Variants in DMD observed in about 807,000 individuals in gnomAD.
The protein encoded by DMD is dystrophin.
Under a neutral mutation model 330.1 loss-of-function variants are expected in DMD, and 63 were observed. The observed-to-expected ratio is 0.19, with a 90% CI of 0.16 to 0.24. DMD has a LOEUF of 0.24. Among genes scored for constraint, DMD ranks in the 10% least tolerant of loss-of-function variants. The pLI, the probability that DMD is intolerant of heterozygous loss-of-function variation, is 1.00. For missense variants in DMD, 3,344 were observed against 2,684.1 expected, an observed-to-expected ratio of 1.25 and a Z score of -5.43; for synonymous variants, 1,223 against 959.8, an observed-to-expected ratio of 1.27 and a Z score of -5.07.
At chrX:31,122,929 A>C (rs2032963389) in intron 78 of DMD, among the ~76,000 whole-genome samples, 1 of 111,903 alleles carries the variant, frequency 8.9e-6, no homozygotes, top group Non-Finnish European at 1.9e-5. Context: ...TTACATGGCT[A>C]ATTTTAATTA....
chrX:32,593,266 C>G (rs1472478982), intron 13 of DMD, among the ~76,000 whole-genome samples: 1 of 112,736 alleles, frequency 8.9e-6, no homozygotes, highest in Non-Finnish European at 1.9e-5. Flanking sequence ...TAGATCTTAG[C>G]TTAAAGAAAA....
intron 1 of DMD, among the ~76,000 whole-genome samples, chrX:33,259,545 T>G (rs927402678): frequency 9.3e-6 from 1 of 107,199 alleles, no homozygotes; most frequent in Non-Finnish European, 1.9e-5. Flanking sequence ...GATTTCAAAT[T>G]TTCAGATTTG....
At position 32,839,123 on chromosome X, in the gene DMD, A is replaced by G. The variant is rs188988213; in HGVS notation, c.264+5660T>C. On this transcript the variant is annotated intron_variant, in intron 4 of 78. Coordinates refer to ENST00000357033, the MANE Select transcript of DMD (RefSeq NM_004006.3). ...TTAGACCTGAGTCCAAATGCCAACA[A>G]TGGCTCACCATGCTTTCTTCTTCTC... Among the ~76,000 whole-genome samples the G allele has an allele frequency of 2.7e-3, 297 of 110,935 alleles. 1 individual carries two copies. Among genetic ancestry groups the G allele is most frequent in the African/African-American group, 9.4e-3 (288 of 30,519 alleles).
intron 19 of DMD, among the ~76,000 whole-genome samples, chrX:32,498,045 A>C (rs772013341): frequency 8.9e-6 from 1 of 111,815 alleles, no homozygotes; most frequent in African/African-American, 3.2e-5. Flanking sequence ...CTTAAAAAGT[A>C]AAATAAAGAA....
chrX:31,586,739 G>C (rs1569552768), intron 55 of DMD, among the ~76,000 whole-genome samples: 1 of 111,976 alleles, frequency 8.9e-6, no homozygotes, highest in Non-Finnish European at 1.9e-5. Flanking sequence ...ATTTCTCAGA[G>C]CCAATCTGAG....
chrX:31,546,803 T>C lies in DMD; in HGVS notation c.8218-39350A>G, dbSNP rs950567327. On this transcript the variant is annotated intron_variant, in intron 55 of 78. Transcript: ENST00000357033. ...CCTATCTATGACATAGAATAGGAAA[T>C]GCCTGCAGGCAGGGATCTGGTCTTA... is the stretch of plus-strand genomic sequence containing the variant. 7.1e-5 allele frequency among the ~76,000 whole-genome samples: 8 copies of C among 112,354 alleles called. No homozygotes were observed. The South Asian group carries it at 3.0e-3, about 41-fold the overall frequency.
intron 47 of DMD, among the ~76,000 whole-genome samples, chrX:31,917,729 A>AT (rs1407193137): frequency 3.6e-5 from 4 of 112,329 alleles, no homozygotes; most frequent in African/African-American, 1.3e-4. Context: ...TCAGTCATTC[A>AT]TTTTCCAAGC....
chrX:32,941,687 A>C (rs776225245), intron 2 of DMD, among the ~76,000 whole-genome samples: 5 of 110,568 alleles, frequency 4.5e-5, no homozygotes, highest in Non-Finnish European at 9.5e-5. Flanking sequence ...GGGTTGAAAA[A>C]CTGACTATTG....
chrX:31,505,567 A>G (rs1021042476), intron 56 of DMD, among the ~76,000 whole-genome samples: 9 of 111,266 alleles, frequency 8.1e-5, no homozygotes, highest in African/African-American at 2.9e-4. Context: ...TTTATATGCT[A>G]CGGTATCATA....
chrX:31,447,260 ATTTTTTTT>A lies in DMD; in HGVS notation c.8938-2641_8938-2634del, dbSNP rs72227601. ...TTAAACTTTACCATAAGATCTTGGG[ATTTTTTTT>A]TTTTTTTTTTTTTTTTTTGCTTCTT... On this transcript the variant is annotated intron_variant, in intron 59 of 78. Coordinates refer to ENST00000357033, the MANE Select transcript of DMD (RefSeq NM_004006.3). Among the ~76,000 whole-genome samples, 97 of 52,472 alleles carry A rather than the reference ATTTTTTTT, an allele frequency of 1.8e-3. 1 individual carries two copies. In the East Asian group the frequency reaches 0.043, roughly 23 times the overall value. 45.6% of individuals were successfully genotyped at this position (52,472 alleles called of 115,157 possible). A position where few individuals can be genotyped will look rare whatever the true frequency, so the allele number is the denominator to read the frequency against.
At chrX:32,234,806 T>G (rs2097181558) in intron 43 of DMD, among the ~76,000 whole-genome samples, 2 of 111,919 alleles carry the variant, frequency 1.8e-5, no homozygotes, top group Admixed American at 1.9e-4. Flanking sequence ...TATTATTTAC[T>G]GTATTTGGTG....
chrX:32,311,368 A>G (rs750206481), intron 41 of DMD, among the ~76,000 whole-genome samples: 1 of 111,154 alleles, frequency 9.0e-6, no homozygotes, highest in Non-Finnish European at 1.9e-5. Flanking sequence ...CTTTGGGGAT[A>G]CTAGACTGAA....
intron 44 of DMD, among the ~76,000 whole-genome samples, chrX:32,130,699 C>T (rs1490980524): frequency 9.0e-6 from 1 of 111,281 alleles, no homozygotes; most frequent in Non-Finnish European, 1.9e-5. Flanking sequence ...CTTTTTGTTT[C>T]CTTTGTCTGG....
chrX:32,549,415 C>CTGTCT (rs1455843376), intron 16 of DMD, among the ~76,000 whole-genome samples: 2 of 111,861 alleles, frequency 1.8e-5, no homozygotes, highest in Admixed American at 1.9e-4. Context: ...TCTGCTTCCA[C>CTGTCT]TGTCTTGAAA....
intron 75 of DMD, 146 bp from the exon 76 acceptor site, chrX:31,146,560 T>C: frequency 1.7e-6 from 1 of 587,387 alleles, no homozygotes; most frequent in Non-Finnish European, 2.8e-6. Context: ...ATTTGGGATA[T>C]TTCACTGTTG....
At chrX:31,922,495 G>GGTGTGTGTGTGTGTGTGT (rs765621749) in intron 47 of DMD, among the ~76,000 whole-genome samples, 11 of 97,504 alleles carry the variant, frequency 1.1e-4, no homozygotes, top group South Asian at 4.7e-4. Context: ...ACTTGAGACT[G>GGTGTGTGTGTGTGTGTGT]GTGTGTGTGT....
In DMD at chrX:32,686,511, A is replaced by G. The variant is rs184260296; in HGVS notation, c.960+11359T>C. Among the ~76,000 whole-genome samples the G allele has an allele frequency of 2.1e-3, 206 of 99,199 alleles. 2 individuals are homozygous for G. The highest frequency in any genetic ancestry group is 7.5e-3 in the African/African-American group (200 of 26,550). The allele number at this position is 99,199 out of a possible 115,157, so 86.1% of individuals were successfully genotyped here. A position where few individuals can be genotyped will look rare whatever the true frequency, so the allele number is the denominator to read the frequency against. ...GAGGCAGAGGTTGCATTGAGCCAAGATCGTGCCAGTGCACTTCAGCCGGGG... is the reference window on the plus strand; with the variant it reads ...GAGGCAGAGGTTGCATTGAGCCAAGGTCGTGCCAGTGCACTTCAGCCGGGG... On this transcript the variant is annotated intron_variant, in intron 9 of 78. Coordinates refer to ENST00000357033, the MANE Select transcript of DMD (RefSeq NM_004006.3).
chrX:31,861,668 A>G (rs774406110), intron 48 of DMD, among the ~76,000 whole-genome samples: 819 of 80,411 alleles, frequency 0.01, 10 homozygotes, highest in African/African-American at 0.025. Flanking sequence ...GTGTGTGTGT[A>G]TATATATACA....
At chrX:32,949,965 CAAAA>C (rs201823049) in intron 2 of DMD, among the ~76,000 whole-genome samples, 2 of 74,940 alleles carry the variant, frequency 2.7e-5, no homozygotes, top group African/African-American at 4.7e-5. Flanking sequence ...GGTGCAGAGG[CAAAA>C]AAAAAAAAAA....
Sources: gnomAD v4.1 joint callset for allele counts (sites outside exome capture counted in the v4.1 genomes callset) on GRCh38, gnomAD v4.1.1 for gene constraint, MANE v1.5 for transcripts, NCBI Gene and HGNC (gene_info 2026-07-23, HGNC 2026-07-21) for gene names.